Variants in NAV2 observed in about 807,000 individuals in gnomAD.
NAV2 encodes neuron navigator 2.
A neutral mutation model predicts 223.2 loss-of-function variants in NAV2; 54 were observed. The ratio of observed to expected loss-of-function variants is 0.24; its 90% CI spans 0.19 to 0.30. The LOEUF is 0.30. Among genes scored for constraint, NAV2 ranks in the 10% least tolerant of loss-of-function variants. The pLI is 1.00. For missense variants in NAV2, 2,806 were observed against 3,147.5 expected, an observed-to-expected ratio of 0.89 and a Z score of 2.60; for synonymous variants, 1,279 against 1,239.3, an observed-to-expected ratio of 1.03 and a Z score of -0.67.
intron 36 of NAV2, among the ~76,000 whole-genome samples, chr11:20,108,446 C>CT (rs2062340052): frequency 6.6e-6 from 1 of 151,848 alleles, no homozygotes. Flanking sequence ...AGCACAAATT[C>CT]TTTTTATTTT....
At chr11:19,796,458 T>C (rs964182583) in intron 1 of NAV2, among the ~76,000 whole-genome samples, 4 of 152,234 alleles carry the variant, frequency 2.6e-5, no homozygotes, top group African/African-American at 9.6e-5. Context: ...TGCCATATAT[T>C]GTACTGAAAA....
intron 6 of NAV2, among the ~76,000 whole-genome samples, chr11:19,932,305 A>G (rs1320024309): frequency 6.6e-6 from 1 of 151,148 alleles, no homozygotes; most frequent in Non-Finnish European, 1.5e-5. Context: ...TCCAACCTGA[A>G]CCATGTTTGC....
intron 1 of NAV2, among the ~76,000 whole-genome samples, chr11:19,484,191 G>A (rs960230438): frequency 6.7e-6 from 1 of 150,250 alleles, no homozygotes; most frequent in Non-Finnish European, 1.5e-5. Context: ...AGACCCCTAA[G>A]GAATGAGTAT....
chr11:19,371,164 C>A (rs1221352247), intron 1 of NAV2, among the ~76,000 whole-genome samples: 1 of 152,158 alleles, frequency 6.6e-6, no homozygotes, highest in Non-Finnish European at 1.5e-5. Context: ...TTACTCTGTG[C>A]CAGACCCCAT....
intron 1 of NAV2, among the ~76,000 whole-genome samples, chr11:19,741,330 A>T (rs2052775748): frequency 6.6e-6 from 1 of 151,998 alleles, no homozygotes; most frequent in African/African-American, 2.4e-5. Context: ...TATTAACTAT[A>T]GTCCTCATGC....
Position 19,831,230 on chromosome 11 carries a change from G to T in NAV2, c.268-1254G>T, listed in dbSNP as rs571521065. 3.5e-4 allele frequency among the ~76,000 whole-genome samples: 31 copies of T among 89,716 alleles called. 4 individuals carry two copies. The highest frequency in any genetic ancestry group is 5.8e-4 in the Admixed American group (6 of 10,374). 58.9% of individuals were successfully genotyped at this position (89,716 alleles called of 152,430 possible). A position where few individuals can be genotyped will look rare whatever the true frequency, so the allele number is the denominator to read the frequency against. On this transcript the variant is annotated intron_variant, in intron 1 of 37. Transcript: ENST00000349880. ...CCCATTCCAGGAGTGTTGCGGGGGG[G>T]GGGGGGGCGCGATGGGGAGTGGGGG... is the stretch of plus-strand genomic sequence containing the variant.
intron 1 of NAV2, among the ~76,000 whole-genome samples, chr11:19,779,193 G>A (rs1565302364): frequency 6.6e-6 from 1 of 152,312 alleles, no homozygotes; most frequent in East Asian, 1.9e-4. Context: ...GACCACCCAA[G>A]GTAGTTATGG....
intron 1 of NAV2, among the ~76,000 whole-genome samples, chr11:19,734,434 C>G (rs948197419): frequency 6.6e-6 from 1 of 152,166 alleles, no homozygotes; most frequent in Admixed American, 6.5e-5. Flanking sequence ...CCTGTGCCAG[C>G]CAATTCCTTC....
chr11:19,368,241 G>T (rs1204685759), intron 1 of NAV2, among the ~76,000 whole-genome samples: 1 of 152,118 alleles, frequency 6.6e-6, no homozygotes, highest in African/African-American at 2.4e-5. Context: ...TTCCTCTCCC[G>T]AGGCAAGGAA....
chr11:19,989,699 C>CT (rs1236387200), intron 11 of NAV2, among the ~76,000 whole-genome samples: 1 of 152,204 alleles, frequency 6.6e-6, no homozygotes, highest in East Asian at 1.9e-4. Context: ...CAAATATTAT[C>CT]TCATTTACCC....
At chr11:19,754,896 T>G (rs995539030) in intron 1 of NAV2, among the ~76,000 whole-genome samples, 3 of 152,154 alleles carry the variant, frequency 2.0e-5, no homozygotes, top group African/African-American at 7.2e-5. Context: ...TGCTGTCTCC[T>G]TCCCTCGCTT....
Position 20,044,999 on chromosome 11 carries a change from A to G in NAV2, c.3231A>G (p.Lys1077=). Residue 1077 remains lysine (K), a synonymous_variant, in exon 14 of 38, where the codon AAA becomes AAG. Coordinates refer to ENST00000349880, the MANE Select transcript of NAV2 (RefSeq NM_145117.5). ...GKTDDAKVSE[K]GRLSPKASQV... ...CAGACGACGCAAAGGTGTCTGAGAAAGGAAGGCTTTCTCCTAAAGCCTCCC... is the reference window on the plus strand; with the variant it reads ...CAGACGACGCAAAGGTGTCTGAGAAGGGAAGGCTTTCTCCTAAAGCCTCCC... The G allele has an allele frequency of 6.2e-7, 1 of 1,612,864 alleles. No homozygotes were observed. Among genetic ancestry groups the G allele is most frequent in the Non-Finnish European group, 8.5e-7 (1 of 1,179,630 alleles).
chr11:20,115,738 CCTCTT>C (rs907755433), intron 37 of NAV2, among the ~76,000 whole-genome samples: 1 of 148,784 alleles, frequency 6.7e-6, no homozygotes, highest in Admixed American at 6.7e-5. Context: ...CGTAACAAAA[CCTCTT>C]CTCTACAAAA....
Position 20,032,944 on chromosome 11 carries a change from C to T in NAV2, c.2769-3015C>T, listed in dbSNP as rs971585871. On this transcript the variant is annotated intron_variant, in intron 11 of 37. Coordinates refer to ENST00000349880, the MANE Select transcript of NAV2 (RefSeq NM_145117.5). Reference sequence around the variant, plus strand: ...CTGCAGCATTGCCCCTCAGTCCTCACGGCCTCAGTTTCTTCATTATGAAAC... The same window carrying T: ...CTGCAGCATTGCCCCTCAGTCCTCATGGCCTCAGTTTCTTCATTATGAAAC... Among the ~76,000 whole-genome samples, 13 of 152,322 alleles carry T rather than the reference C, an allele frequency of 8.5e-5. No individual in the cohort carries two copies. The East Asian group carries it at 1.9e-3, about 23-fold the overall frequency.
At position 19,579,628 on chromosome 11, in the gene NAV2, C is replaced by T. The variant is rs530490469; in HGVS notation, c.75+228601C>T. Among the ~76,000 whole-genome samples the T allele has an allele frequency of 3.3e-5, 5 of 152,286 alleles. No individual in the cohort carries two copies. The East Asian group carries it at 5.8e-4, about 18-fold the overall frequency. The stretch of plus-strand genomic sequence containing the variant: ...GAAGATAGGAAGGAAATAGACACTT[C>T]GTTGTAAGGCAATAAGAAAGAGTAA... On this transcript the variant is annotated intron_variant, in intron 1 of 37. Transcript: ENST00000360655.
chr11:19,819,812 G>A (rs1483539945), intron 1 of NAV2, among the ~76,000 whole-genome samples: 4 of 152,252 alleles, frequency 2.6e-5, no homozygotes, highest in Admixed American at 2.0e-4. Flanking sequence ...GGCTTAGAGA[G>A]TGGTGGATTG....
chr11:19,394,599 A>G (rs995445030), intron 1 of NAV2, among the ~76,000 whole-genome samples: 1 of 152,228 alleles, frequency 6.6e-6, no homozygotes, highest in Admixed American at 6.5e-5. Context: ...GACATGGCAC[A>G]TTCAAACAGG....
intron 1 of NAV2, among the ~76,000 whole-genome samples, chr11:19,735,008 TAAAC>T (rs2052154574): frequency 6.6e-6 from 1 of 152,226 alleles, no homozygotes. Context: ...TGTGTGACCT[TAAAC>T]AAGTCATTTC....
intron 24 of NAV2, among the ~76,000 whole-genome samples, chr11:20,078,953 GT>G (rs1349089401): frequency 6.6e-6 from 1 of 152,160 alleles, no homozygotes; most frequent in Non-Finnish European, 1.5e-5. Context: ...TCATTATCTG[GT>G]TTTCTTTCTA....
Sources: allele counts gnomAD v4.1 joint callset (sites outside exome capture counted in the v4.1 genomes callset), GRCh38; gene constraint gnomAD v4.1.1; transcripts MANE v1.5; gene names NCBI Gene and HGNC (gene_info 2026-07-23, HGNC 2026-07-21).